The following JAM2 variants were observed in gnomAD, a reference collection of about 807,000 sequenced individuals.
JAM2 encodes the protein junctional adhesion molecule 2, also known as junctional adhesion molecule B.
Under a neutral mutation model 42.0 loss-of-function variants are expected in JAM2, and 17 were observed. That is an observed-to-expected ratio of 0.40 (90% CI 0.28 to 0.61). The LOEUF is 0.61. Ranked by LOEUF, JAM2 falls within the 20% of genes least tolerant of loss-of-function variation. JAM2 has a pLI of 0.37. For synonymous variants in JAM2, 118 were observed against 128.6 expected, an observed-to-expected ratio of 0.92 and a Z score of 0.56; for missense variants, 319 against 358.3, an observed-to-expected ratio of 0.89 and a Z score of 0.89.
Position 25,709,463 on chromosome 21 carries a change from C to T in JAM2, c.821+14C>T. The T allele has an allele frequency of 6.9e-7, 1 of 1,447,062 alleles. No individual in the cohort carries two copies. The allele number at this position is 1,447,062 out of a possible 1,614,324, so 89.6% of individuals were successfully genotyped here. On this transcript the variant is annotated intron_variant, in intron 8 of 9. Transcript: ENST00000480456. ...AACCTCCTTCCAGTAAGTATACTTT[C>T]CTACAATGCATGTCTTTCTCCTATG...
At chr21:25,655,884 G>C (rs147671311) in intron 1 of JAM2, among the ~76,000 whole-genome samples, 1 of 150,180 alleles carries the variant, frequency 6.7e-6, no homozygotes, top group African/African-American at 2.5e-5. Context: ...CTTTTAAAAA[G>C]CTATTTATTT....
chr21:25,697,951 A>ACACT (rs1351389288), intron 4 of JAM2, among the ~76,000 whole-genome samples: 11 of 134,122 alleles, frequency 8.2e-5, no homozygotes, highest in African/African-American at 2.5e-4. Flanking sequence ...ACACACACAC[A>ACACT]CTCTCTCTCT....
chr21:25,709,147 A>G (rs1285642668), intron 7 of JAM2, among the ~76,000 whole-genome samples: 2 of 151,346 alleles, frequency 1.3e-5, no homozygotes, highest in Non-Finnish European at 2.9e-5. Context: ...TATTATTGTT[A>G]TTATTATTAT....
At chr21:25,671,296 AT>A (rs1357776240) in intron 1 of JAM2, among the ~76,000 whole-genome samples, 1 of 37,448 alleles carries the variant, frequency 2.7e-5, no homozygotes, top group Non-Finnish European at 1.5e-4. Flanking sequence ...TGTAAGAAAA[AT>A]AATACAAAAA....
intron 1 of JAM2, among the ~76,000 whole-genome samples, chr21:25,642,035 A>G (rs1304266677): frequency 1.3e-5 from 2 of 152,188 alleles, no homozygotes; most frequent in African/African-American, 2.4e-5. Context: ...TCATCACATT[A>G]TCTCCAGGGA....
In JAM2 at chr21:25,674,851, G is replaced by T. The variant is rs1050172244; in HGVS notation, c.68-9032G>T. 2.0e-5 allele frequency among the ~76,000 whole-genome samples: 3 copies of T among 151,476 alleles called. No homozygotes were observed. In the East Asian group the frequency reaches 5.8e-4, roughly 29 times the overall value. ...TCCAAATTAGTTCCTACCTCATTGG[G>T]TTACTTTCTATTAATATACATATTT... On this transcript the variant is annotated intron_variant, in intron 1 of 9. Transcript: ENST00000480456.
intron 5 of JAM2, among the ~76,000 whole-genome samples, chr21:25,701,908 G>C (rs1328876967): frequency 6.7e-6 from 1 of 149,566 alleles, no homozygotes; most frequent in Non-Finnish European, 1.5e-5. Flanking sequence ...CTTCCTAACA[G>C]TACTGCTTTC....
intron 1 of JAM2, among the ~76,000 whole-genome samples, chr21:25,641,675 A>G (rs1285358975): frequency 6.6e-6 from 1 of 152,120 alleles, no homozygotes; most frequent in Non-Finnish European, 1.5e-5. Context: ...GAGAGTTCTC[A>G]TATACTCCAC....
intron 1 of JAM2, among the ~76,000 whole-genome samples, chr21:25,674,616 A>G (rs774739834): frequency 1.3e-5 from 2 of 152,052 alleles, no homozygotes; most frequent in Non-Finnish European, 2.9e-5. Flanking sequence ...CAGTAACTCT[A>G]AAGTCAAGTG....
In JAM2 at chr21:25,706,056, T is replaced by C; in HGVS notation, c.775T>C (p.Cys259Arg). The C allele has an allele frequency of 6.2e-7, 1 of 1,613,310 alleles. No individual in the cohort carries two copies. The highest frequency in any genetic ancestry group is 8.5e-7 in the Non-Finnish European group (1 of 1,179,228). The change falls in exon 7 of 10, where the codon TGC (cysteine) becomes CGC (arginine). Residue 259 changes from cysteine (C) to arginine (R), a missense_variant. Coordinates refer to ENST00000480456, the MANE Select transcript of JAM2 (RefSeq NM_021219.4). ...GATTTCCGTTTGTGGCCTTGGTGTA[T>C]GCTATGCTCAGAGGAAAGGCTACTT... ...LVISVCGLGV[C>R]YAQRKGYFSK...
chr21:25,646,437 T>C (rs2032613968), intron 1 of JAM2, among the ~76,000 whole-genome samples: 1 of 152,206 alleles, frequency 6.6e-6, no homozygotes, highest in South Asian at 2.1e-4. Context: ...TTATTTTCAG[T>C]ATTTGTTTCC....
chr21:25,678,369 T>G (rs567849084), intron 1 of JAM2, among the ~76,000 whole-genome samples: 1 of 152,256 alleles, frequency 6.6e-6, no homozygotes, highest in South Asian at 2.1e-4. Context: ...GACTCTATCT[T>G]TGGAGTCTAT....
Position 25,663,034 on chromosome 21 carries a change from T to G in JAM2, c.68-20849T>G, listed in dbSNP as rs542035521. On this transcript the variant is annotated intron_variant, in intron 1 of 9. Coordinates refer to ENST00000480456, the MANE Select transcript of JAM2 (RefSeq NM_021219.4). ...AGAAGGGGCCAGCGAAAGCTTTACT[T>G]TTCTTGACAGTTAAGTCAGGTGTTA... Among the ~76,000 whole-genome samples, 13 of 152,310 alleles carry G rather than the reference T, an allele frequency of 8.5e-5. No homozygotes were observed. The South Asian group carries it at 2.7e-3, about 32-fold the overall frequency.
At chr21:25,686,077 A>G (rs7284014) in intron 2 of JAM2, among the ~76,000 whole-genome samples, 37,469 of 152,120 alleles carry the variant, frequency 0.25, 4,933 homozygotes, top group African/African-American at 0.33. Flanking sequence ...TGACACATTC[A>G]CAGTTTTGTG....
At chr21:25,678,853 G>T (rs1203731235) in intron 1 of JAM2, among the ~76,000 whole-genome samples, 2 of 152,224 alleles carry the variant, frequency 1.3e-5, no homozygotes, top group African/African-American at 2.4e-5. Context: ...AGTCTGGAGT[G>T]CAGTGGTGCG....
intron 1 of JAM2, among the ~76,000 whole-genome samples, chr21:25,652,077 A>G (rs1012594953): frequency 5.3e-5 from 8 of 152,348 alleles, no homozygotes; most frequent in African/African-American, 1.7e-4. Flanking sequence ...AAAAATGGAA[A>G]ACAAATGGAA....
intron 1 of JAM2, among the ~76,000 whole-genome samples, chr21:25,653,135 A>G (rs970209447): frequency 2.6e-5 from 4 of 152,204 alleles, no homozygotes; most frequent in African/African-American, 4.8e-5. Context: ...CACGTGGCCA[A>G]ACGTGGAACT....
chr21:25,694,044 A>G (rs896302042), intron 4 of JAM2, 136 bp downstream of exon 4: 6 of 783,878 alleles, frequency 7.7e-6, no homozygotes, highest in Non-Finnish European at 1.2e-5. Flanking sequence ...AGAGACCATA[A>G]GCATCACCTT....
At chr21:25,691,204 G>A (rs1237987583) in intron 3 of JAM2, among the ~76,000 whole-genome samples, 1 of 152,200 alleles carries the variant, frequency 6.6e-6, no homozygotes, top group Middle Eastern at 3.2e-3. Context: ...AATGTTTGAA[G>A]TTTATAGAAA....
Sources: gnomAD v4.1 joint callset for allele counts (sites outside exome capture counted in the v4.1 genomes callset) on GRCh38, gnomAD v4.1.1 for gene constraint, MANE v1.5 for transcripts, NCBI Gene and HGNC (gene_info 2026-07-23, HGNC 2026-07-21) for gene names.